The following DHCR24 variants were observed in gnomAD, a reference collection of about 807,000 sequenced individuals.
The protein encoded by DHCR24 is 24-dehydrocholesterol reductase, also known as delta(24)-sterol reductase.
A neutral mutation model predicts 61.2 loss-of-function variants in DHCR24; 28 were observed. The observed-to-expected ratio is 0.46, with a 90% CI of 0.34 to 0.63. DHCR24 has a LOEUF of 0.63. Ranked by LOEUF, DHCR24 falls within the 20% of genes least tolerant of loss-of-function variation. The probability of loss-of-function intolerance (pLI) is 0.01; values close to 1 mark genes in which losing one functional copy is unlikely to be tolerated. For synonymous variants in DHCR24, 261 were observed against 275.9 expected (o/e 0.95, Z 0.54); for missense variants, 538 against 679.1 (o/e 0.79, Z 2.31).
chr1:54,859,552 C>T (rs1044244754), intron 6 of DHCR24, among the ~76,000 whole-genome samples: 1 of 152,054 alleles, frequency 6.6e-6, no homozygotes, highest in Admixed American at 6.6e-5. Context: ...TGGCTCACTG[C>T]AACCTCCACT....
rs770874073 is a variant in DHCR24 at position 54,852,321 on chromosome 1, G to T, written c.1463C>A (p.Ser488Tyr). The T allele has an allele frequency of 6.2e-7, 1 of 1,614,230 alleles. No homozygotes were observed. The highest frequency in any genetic ancestry group is 8.5e-7 in the Non-Finnish European group (1 of 1,180,042). ...CTTCTCTCGCAGCTTGTGGTACAAG[G>T]AGCCATCAAACATCTCCCAGAACTC... Reference protein sequence around the residue: ...REEFWEMFDGSLYHKLREKLG... With the variant: ...REEFWEMFDGYLYHKLREKLG... Residue 488 changes from serine (S) to tyrosine (Y), a missense_variant, in exon 9 of 9, where the codon TCC (serine) becomes TAC (tyrosine). Physicochemically the swap from Ser to Tyr is moderately radical, Grantham distance 144. Coordinates refer to ENST00000371269, the MANE Select transcript of DHCR24 (RefSeq NM_014762.4).
chr1:54,879,449 T>C (rs773267498), intron 2 of DHCR24, among the ~76,000 whole-genome samples: 10 of 151,240 alleles, frequency 6.6e-5, no homozygotes, highest in Non-Finnish European at 2.9e-5. Flanking sequence ...GAAGAAAAGA[T>C]TAGTTAACTT....
chr1:54,868,186 A>G (rs985589082), intron 5 of DHCR24, among the ~76,000 whole-genome samples: 9 of 152,298 alleles, frequency 5.9e-5, no homozygotes, highest in African/African-American at 1.9e-4. Flanking sequence ...TATTACTCCA[A>G]TTGGCCGGGC....
At chr1:54,877,203 C>T (rs912142253) in intron 2 of DHCR24, among the ~76,000 whole-genome samples, 4 of 151,818 alleles carry the variant, frequency 2.6e-5, no homozygotes, top group African/African-American at 4.8e-5. Flanking sequence ...CAAGATTTTC[C>T]TTTCACACTA....
rs1353527698 is a variant in DHCR24 at position 54,849,822 on chromosome 1, C to T, written c.*2411G>A. On this transcript the variant is annotated 3_prime_UTR_variant, in exon 9 of 9. Transcript: ENST00000371269. ...ATACACTGCCACACCCATCTCCACC[C>T]CTCCCTTTCAGTAATATCCAAGTAT... 1 of 152,670 alleles carries T rather than the reference C, an allele frequency of 6.6e-6. No homozygotes were observed. The highest frequency in any genetic ancestry group is 1.5e-5 in the Non-Finnish European group (1 of 68,056). 9.5% of individuals were successfully genotyped at this position (152,670 alleles called of 1,614,324 possible).
intron 2 of DHCR24, among the ~76,000 whole-genome samples, chr1:54,879,701 C>A (rs1394298138): frequency 6.6e-6 from 1 of 152,094 alleles, no homozygotes; most frequent in Non-Finnish European, 1.5e-5. Flanking sequence ...TATACCAAAG[C>A]ACATCATAAT....
chr1:54,886,777 C>G, intron 1 of DHCR24, 112 bp downstream of exon 1: 2 of 1,523,940 alleles, frequency 1.3e-6, no homozygotes, highest in South Asian at 1.2e-5. Flanking sequence ...CCCACCCCCC[C>G]AGGAAGTCCT....
chr1:54,864,512 T>C (rs1646956698), intron 6 of DHCR24, among the ~76,000 whole-genome samples: 1 of 152,190 alleles, frequency 6.6e-6, no homozygotes. Flanking sequence ...AATTGGTGGT[T>C]GCCACAGGCT....
chr1:54,875,641 GAAGA>G (rs774150833), intron 3 of DHCR24, among the ~76,000 whole-genome samples: 8 of 152,162 alleles, frequency 5.3e-5, no homozygotes, highest in Admixed American at 1.3e-4. Flanking sequence ...TATGGGAGGA[GAAGA>G]GAGACTATAC....
At chr1:54,867,812 G>A (rs185957517) in intron 5 of DHCR24, among the ~76,000 whole-genome samples, 36 of 152,306 alleles carry the variant, frequency 2.4e-4, no homozygotes, top group Non-Finnish European at 4.9e-4. Context: ...AGGGGCCCAG[G>A]AGGGCCAGAG....
chr1:54,881,118 C>A (rs1158017018), intron 2 of DHCR24, among the ~76,000 whole-genome samples: 1 of 152,174 alleles, frequency 6.6e-6, no homozygotes, highest in Non-Finnish European at 1.5e-5. Context: ...CCACTGCACT[C>A]TAGCCAGGGC....
chr1:54,871,002 CTTTT>C (rs1646995499), intron 5 of DHCR24, among the ~76,000 whole-genome samples: 1 of 152,236 alleles, frequency 6.6e-6, no homozygotes, highest in South Asian at 2.1e-4. Context: ...TACATTACCT[CTTTT>C]AAGTGTTGGG....
Position 54,871,612 on chromosome 1 carries a change from G to T in DHCR24, c.614C>A (p.Ser205Tyr). The change falls in exon 5 of 9, where the codon TCC becomes TAC. Residue 205 changes from serine to tyrosine, a missense_variant and splice_region_variant. Physicochemically the swap from Ser to Tyr is moderately radical, Grantham distance 144. Transcript: ENST00000371269. ...ADGSFVRCTP[S>Y]ENSDLFYAVP... Reference sequence around the variant, plus strand: ...GGCATAGAACAGGTCTGAGTTTTCGGACTGTGAGACAGAATTGATGTGTTG... The same window carrying T: ...GGCATAGAACAGGTCTGAGTTTTCGTACTGTGAGACAGAATTGATGTGTTG... The T allele has an allele frequency of 6.2e-7, 1 of 1,614,198 alleles. No individual in the cohort carries two copies. Among genetic ancestry groups the T allele is most frequent in the Non-Finnish European group, 8.5e-7 (1 of 1,180,030 alleles).
chr1:54,857,851 G>C (rs766708665), intron 6 of DHCR24, among the ~76,000 whole-genome samples: 4 of 152,172 alleles, frequency 2.6e-5, no homozygotes, highest in Non-Finnish European at 5.9e-5. Flanking sequence ...GATTGACCAA[G>C]CTGGGGGAAG....
At chr1:54,871,301 A>T in intron 5 of DHCR24, 49 bp downstream of exon 5, 1 of 1,610,384 alleles carries the variant, frequency 6.2e-7, no homozygotes, top group South Asian at 1.1e-5. Flanking sequence ...GTCCTAGCAC[A>T]CTCATGCCTC....
intron 1 of DHCR24, chr1:54,886,583 C>G: frequency 7.1e-7 from 1 of 1,411,736 alleles, no homozygotes; most frequent in South Asian, 1.2e-5. Flanking sequence ...GGAAGCCTTT[C>G]CTTCTCTGAA....
At chr1:54,874,892 A>C (rs568817430) in intron 4 of DHCR24, among the ~76,000 whole-genome samples, 26 of 152,338 alleles carry the variant, frequency 1.7e-4, no homozygotes, top group African/African-American at 2.6e-4. Context: ...GAAGGATAAC[A>C]TGCATGCCTT....
intron 8 of DHCR24, among the ~76,000 whole-genome samples, chr1:54,852,821 C>T (rs1338548536): frequency 7.7e-6 from 1 of 129,730 alleles, no homozygotes; most frequent in Admixed American, 8.2e-5. Flanking sequence ...TGGCTATAAC[C>T]ATCAGCCCCA....
chr1:54,872,235 C>T (rs1647004223), intron 4 of DHCR24, among the ~76,000 whole-genome samples: 3 of 152,202 alleles, frequency 2.0e-5, no homozygotes, highest in Non-Finnish European at 4.4e-5. Flanking sequence ...GACCACCTAA[C>T]TCCCCGGCCA....
Sources: gnomAD v4.1 joint callset for allele counts (sites outside exome capture counted in the v4.1 genomes callset) on GRCh38, gnomAD v4.1.1 for gene constraint, MANE v1.5 for transcripts, NCBI Gene and HGNC (gene_info 2026-07-23, HGNC 2026-07-21) for gene names.